GTF2E2: variants seen among roughly 807,000 people sequenced by gnomAD.
The protein encoded by GTF2E2 is transcription initiation factor IIE subunit beta.
In GTF2E2, 21 loss-of-function variants were observed where a neutral mutation model predicts 40.5. The observed-to-expected ratio is 0.52, with a 90% CI of 0.37 to 0.75. The LOEUF (loss-of-function observed/expected upper bound fraction) is 0.75, where lower values mean the gene tolerates loss of function less well. GTF2E2 is among the 30% of genes least tolerant of loss of function. The pLI is 0.00. For missense variants in GTF2E2, 298 were observed against 338.4 expected, an observed-to-expected ratio of 0.88 and a Z score of 0.94; for synonymous variants, 117 against 121.6, an observed-to-expected ratio of 0.96 and a Z score of 0.25.
chr8:30,655,429 AATTTG>A, intron 1 of GTF2E2, among the ~76,000 whole-genome samples: 1 of 97,022 alleles, frequency 1.0e-5, no homozygotes, highest in Non-Finnish European at 2.4e-5. Flanking sequence ...TATATAAATG[AATTTG>A]ACACTGTTAA....
In GTF2E2 at chr8:30,578,828, A is replaced by C. The variant is rs895969151; in HGVS notation, c.*93T>G. 1.9e-5 allele frequency: 14 copies of C among 750,218 alleles called. No individual in the cohort carries two copies. The highest frequency in any genetic ancestry group is 5.6e-5 in the Admixed American group (3 of 53,546). 46.5% of individuals were successfully genotyped at this position (750,218 alleles called of 1,614,324 possible). A position where few individuals can be genotyped will look rare whatever the true frequency, so the allele number is the denominator to read the frequency against. On this transcript the variant is annotated 3_prime_UTR_variant, in exon 8 of 8. Coordinates refer to ENST00000355904, the MANE Select transcript of GTF2E2 (RefSeq NM_002095.6). ...AACTGCTCCTCTCCTCAGCCGCAAG[A>C]AGCAGATAGGAAGACAGTCTTCAGA...
intron 6 of GTF2E2, among the ~76,000 whole-genome samples, chr8:30,592,356 T>A (rs956148816): frequency 1.3e-5 from 2 of 152,124 alleles, no homozygotes; most frequent in Admixed American, 6.6e-5. Context: ...CTCCAGCCTA[T>A]ACAGTGAGAC....
chr8:30,609,996 T>C, intron 5 of GTF2E2, among the ~76,000 whole-genome samples: 1 of 152,236 alleles, frequency 6.6e-6, no homozygotes, highest in South Asian at 2.1e-4. Context: ...CCTGCAGAAC[T>C]GTGAGCCAAA....
intron 3 of GTF2E2, among the ~76,000 whole-genome samples, chr8:30,632,507 A>G (rs999074747): frequency 2.0e-5 from 3 of 152,242 alleles, no homozygotes; most frequent in African/African-American, 7.2e-5. Context: ...TCATACTAAA[A>G]GTTTTCACAA....
rs1347377549 is a variant in GTF2E2 at position 30,578,934 on chromosome 8, G to C, written c.863C>G (p.Thr288Ser). ...CAAAACTGTTCCCTATTTGCTGGAA[G>C]TAATGTCAGAGTAATCCTTCAGCAC... The part of the protein sequence containing the change: ...AGVLKDYSDI[T>S]SSK The change falls in exon 8 of 8, where the codon ACT (threonine) becomes AGT (serine). Residue 288 changes from threonine (T) to serine (S), a missense_variant. Thr to Ser is a moderately conservative substitution (Grantham distance 58). Transcript: ENST00000355904. The C allele has an allele frequency of 1.3e-6, 2 of 1,543,456 alleles. No individual in the cohort carries two copies. Among genetic ancestry groups the C allele is most frequent in the East Asian group, 4.5e-5 (2 of 44,574 alleles).
chr8:30,639,683 A>G (rs1201096507), intron 2 of GTF2E2, among the ~76,000 whole-genome samples: 1 of 152,132 alleles, frequency 6.6e-6, no homozygotes, highest in Non-Finnish European at 1.5e-5. Context: ...TTAGAACTCC[A>G]TCTATATACT....
intron 2 of GTF2E2, among the ~76,000 whole-genome samples, chr8:30,636,300 A>G (rs1801596751): frequency 6.6e-6 from 1 of 152,222 alleles, no homozygotes; most frequent in Non-Finnish European, 1.5e-5. Context: ...GCTGATCCAC[A>G]AAGAGAGAGG....
chr8:30,579,263 AC>A, intron 7 of GTF2E2, among the ~76,000 whole-genome samples: 1 of 152,288 alleles, frequency 6.6e-6, no homozygotes, highest in Middle Eastern at 3.4e-3. Flanking sequence ...AGGAGCAGGC[AC>A]AAAAACCTGC....
intron 3 of GTF2E2, among the ~76,000 whole-genome samples, chr8:30,623,406 T>C (rs1801171480): frequency 6.6e-6 from 1 of 152,126 alleles, no homozygotes; most frequent in Non-Finnish European, 1.5e-5. Context: ...TAGTATTCCA[T>C]GGTGTATATG....
chr8:30,640,096 T>C (rs1338279796), intron 2 of GTF2E2, among the ~76,000 whole-genome samples: 1 of 152,228 alleles, frequency 6.6e-6, no homozygotes, highest in African/African-American at 2.4e-5. Flanking sequence ...GCTTGGAATA[T>C]GTCTATTGTT....
At chr8:30,651,187 G>T (rs1320952991) in intron 2 of GTF2E2, among the ~76,000 whole-genome samples, 3 of 152,204 alleles carry the variant, frequency 2.0e-5, no homozygotes, top group East Asian at 3.9e-4. Flanking sequence ...TCAATGTACA[G>T]CCAGTCCAGA....
chr8:30,579,871 T>C (rs538539257), intron 7 of GTF2E2, among the ~76,000 whole-genome samples: 25 of 152,222 alleles, frequency 1.6e-4, no homozygotes, highest in Non-Finnish European at 3.5e-4. Context: ...AAAGTTACTA[T>C]GGCAGAACCA....
chr8:30,620,639 G>C (rs1365233451), intron 3 of GTF2E2, among the ~76,000 whole-genome samples: 1 of 151,916 alleles, frequency 6.6e-6, no homozygotes, highest in African/African-American at 2.4e-5. Context: ...ATAAGAGTTA[G>C]CCGAGCTGGG....
intron 2 of GTF2E2, chr8:30,645,889 G>A: frequency 1.9e-5 from 5 of 266,160 alleles, no homozygotes; most frequent in Admixed American, 4.9e-5. Flanking sequence ...AAGATAAGCT[G>A]GAAAAGACAA....
At chr8:30,599,878 G>A (rs563805289) in intron 6 of GTF2E2, among the ~76,000 whole-genome samples, 2 of 152,272 alleles carry the variant, frequency 1.3e-5, no homozygotes, top group East Asian at 1.9e-4. Flanking sequence ...AGCTACTAGG[G>A]AGGCTGAGGC....
intron 2 of GTF2E2, chr8:30,637,279 G>GA (rs757689960): frequency 2.4e-5 from 11 of 455,938 alleles, no homozygotes; most frequent in South Asian, 1.4e-4. Context: ...GGAAGACTAT[G>GA]AAAAAAGAGA....
intron 3 of GTF2E2, among the ~76,000 whole-genome samples, chr8:30,626,977 A>G (rs1801295722): frequency 6.6e-6 from 1 of 152,230 alleles, no homozygotes; most frequent in South Asian, 2.1e-4. Context: ...TCAGTGAAAA[A>G]GCTCATAAAG....
At chr8:30,610,229 T>C (rs1829441229) in intron 5 of GTF2E2, among the ~76,000 whole-genome samples, 1 of 152,118 alleles carries the variant, frequency 6.6e-6, no homozygotes, top group African/African-American at 2.4e-5. Context: ...GCAGATCACT[T>C]GAGGTCAGGA....
chr8:30,587,113 T>TA (rs1353162629), intron 6 of GTF2E2, among the ~76,000 whole-genome samples: 1 of 152,210 alleles, frequency 6.6e-6, no homozygotes, highest in Non-Finnish European at 1.5e-5. Context: ...AATATGGGTT[T>TA]AATATACAAA....
Sources: gnomAD v4.1 joint callset for allele counts (sites outside exome capture counted in the v4.1 genomes callset) on GRCh38, gnomAD v4.1.1 for gene constraint, MANE v1.5 for transcripts, NCBI Gene and HGNC (gene_info 2026-07-23, HGNC 2026-07-21) for gene names.